APOBEC3F: variants seen among roughly 807,000 people sequenced by gnomAD.
APOBEC3F encodes the protein apolipoprotein B mRNA editing enzyme catalytic subunit 3F.
A neutral mutation model predicts 45.8 loss-of-function variants in APOBEC3F; 34 were observed. The ratio of observed to expected loss-of-function variants is 0.74; its 90% CI spans 0.57 to 0.99. The LOEUF (loss-of-function observed/expected upper bound fraction) is 0.99, where lower values mean the gene tolerates loss of function less well. Among genes scored for constraint, APOBEC3F ranks in the 50% least tolerant of loss-of-function variants. The probability of loss-of-function intolerance (pLI) is 0.00; values close to 1 mark genes in which losing one functional copy is unlikely to be tolerated. For missense variants in APOBEC3F, 459 were observed against 474.1 expected, an observed-to-expected ratio of 0.97 and a Z score of 0.30; for synonymous variants, 192 against 174.4, an observed-to-expected ratio of 1.10 and a Z score of -0.80.
intron 4 of APOBEC3F, 153 bp downstream of exon 4, chr22:39,045,695 C>T: frequency 7.2e-7 from 1 of 1,397,172 alleles, no homozygotes. Context: ...TGCTCCTTCC[C>T]CTTCTTGCCT....
Position 39,052,725 on chromosome 22 carries a change from C to A in APOBEC3F, c.*30C>A. On this transcript the variant is annotated 3_prime_UTR_variant, in exon 7 of 7. Transcript: ENST00000308521. ...TCTCCCCGGGCCTCATGGTCTGTCTCCTCTAGCCTCCTGCTCATGTTGTGC... is the reference window on the plus strand; with the variant it reads ...TCTCCCCGGGCCTCATGGTCTGTCTACTCTAGCCTCCTGCTCATGTTGTGC... The A allele has an allele frequency of 1.3e-6, 2 of 1,595,424 alleles. No homozygotes were observed. The highest frequency in any genetic ancestry group is 1.3e-5 in the African/African-American group (1 of 74,272).
rs776723659 is a variant in APOBEC3F at position 39,042,992 on chromosome 22, C to A, written c.73C>A (p.Pro25Thr). Residue 25 changes from proline (P) to threonine (T), a missense_variant, in exon 2 of 7, where the codon CCC becomes ACC. Pro to Thr is a conservative substitution (Grantham distance 38). Transcript: ENST00000308521. Reference protein sequence around the residue: ...DTFSYNFYNRPILSRRNTVWL... With the variant: ...DTFSYNFYNRTILSRRNTVWL... Reference sequence around the variant, plus strand: ...ATTCTCCTACAACTTTTATAATAGACCCATCCTTTCTCGTCGGAATACCGT... The same window carrying A: ...ATTCTCCTACAACTTTTATAATAGAACCATCCTTTCTCGTCGGAATACCGT... 5.0e-6 allele frequency: 8 copies of A among 1,614,174 alleles called. No homozygotes were observed. The East Asian group carries it at 1.6e-4, about 31-fold the overall frequency.
At chr22:39,045,634 G>T (rs1230140037) in intron 4 of APOBEC3F, 92 bp downstream of exon 4, 1 of 1,586,432 alleles carries the variant, frequency 6.3e-7, no homozygotes, top group Non-Finnish European at 8.6e-7. Flanking sequence ...CCTGCCCTCC[G>T]TCCTGCCCCC....
At chr22:39,042,815 C>T in intron 1 of APOBEC3F, 122 bp from the exon 2 acceptor site, 4 of 1,447,308 alleles carry the variant, frequency 2.8e-6, no homozygotes, top group East Asian at 2.4e-5. Flanking sequence ...CAAAAATTCT[C>T]AGGGCTGTGG....
chr22:39,051,999 C>A (rs1431349429), intron 5 of APOBEC3F, 75 bp from the exon 6 acceptor site: 2 of 1,578,292 alleles, frequency 1.3e-6, no homozygotes, highest in Non-Finnish European at 1.7e-6. Flanking sequence ...CCGCCCTCTG[C>A]TCCCATCGCC....
rs35053197 is a variant in APOBEC3F, at chr22:39,043,062, G to A, written c.143G>A (p.Arg48His). The A allele has an allele frequency of 5.0e-6, 8 of 1,614,056 alleles. No homozygotes were observed. Among genetic ancestry groups the A allele is most frequent in the South Asian group, 2.2e-5 (2 of 91,056 alleles). Residue 48 changes from arginine (R) to histidine (H), a missense_variant, in exon 2 of 7, where the codon CGT (arginine) becomes CAT (histidine). Physicochemically the swap from Arg to His is conservative, Grantham distance 29 (BLOSUM62 0). Transcript: ENST00000308521. Reference sequence around the variant, plus strand: ...AAAACAAAGGGTCCCTCAAGGCCCCGTTTGGACGCAAAGATCTTTCGAGGC... The same window carrying A: ...AAAACAAAGGGTCCCTCAAGGCCCCATTTGGACGCAAAGATCTTTCGAGGC... ...EVKTKGPSRP[R>H]LDAKIFRGQV...
chr22:39,041,242 A>T (rs1162619791), intron 1 of APOBEC3F, among the ~76,000 whole-genome samples: 1 of 151,496 alleles, frequency 6.6e-6, no homozygotes, highest in African/African-American at 2.4e-5. Flanking sequence ...AAGTCATGGC[A>T]GGGCTGGTGC....
In APOBEC3F at chr22:39,052,290, T is replaced by C. The variant is rs1021895824; in HGVS notation, c.940T>C (p.Tyr314His). ...CCTCTACTACTTCTGGGATACAGATTACCAGGAGGGGCTCCGCAGCCTGAG... is the reference window on the plus strand; with the variant it reads ...CCTCTACTACTTCTGGGATACAGATCACCAGGAGGGGCTCCGCAGCCTGAG... ...ARLYYFWDTDYQEGLRSLSQE... is the reference protein window; with the variant it reads ...ARLYYFWDTDHQEGLRSLSQE... Residue 314 changes from tyrosine to histidine, a missense_variant, in exon 6 of 7, where the codon TAC becomes CAC. Transcript: ENST00000308521. 2 of 1,614,156 alleles carry C rather than the reference T, an allele frequency of 1.2e-6. No individual in the cohort carries two copies. Among genetic ancestry groups the C allele is most frequent in the Non-Finnish European group, 8.5e-7 (1 of 1,180,002 alleles).
intron 6 of APOBEC3F, 38 bp downstream of exon 6, chr22:39,052,391 G>A (rs750138987): frequency 1.2e-5 from 19 of 1,608,566 alleles, no homozygotes; most frequent in Non-Finnish European, 3.4e-6. Flanking sequence ...GGGTGCGGGA[G>A]GGACAGCATG....
At position 39,053,026 on chromosome 22, in the gene APOBEC3F, AC is replaced by A; in HGVS notation, c.*334del. ...TTTTGAGACGGAATTTCGCTCTGTC[AC>A]CCAGACTGGAGTGCAATGGCTTGAT... On this transcript the variant is annotated 3_prime_UTR_variant, in exon 7 of 7. Coordinates refer to ENST00000308521, the MANE Select transcript of APOBEC3F (RefSeq NM_145298.6). 1.0e-5 allele frequency: 2 copies of A among 197,942 alleles called. No homozygotes were observed. The highest frequency in any genetic ancestry group is 1.9e-5 in the Non-Finnish European group (2 of 103,688). The allele number at this position is 197,942 out of a possible 1,614,324, so 12.3% of individuals were successfully genotyped here. A position where few individuals can be genotyped will look rare whatever the true frequency, so the allele number is the denominator to read the frequency against.
chr22:39,045,572 G>C lies in APOBEC3F; in HGVS notation c.566+30G>C, dbSNP rs370226764. ...GGGTCTCCCTCTGGCCTCATCGTCT[G>C]TCTCCTCTCGCCTCCTGCTCATCCT... On this transcript the variant is annotated intron_variant, in intron 4 of 6. Transcript: ENST00000308521. 245 of 1,613,618 alleles carry C rather than the reference G, an allele frequency of 1.5e-4. 1 individual carries two copies. Among genetic ancestry groups the C allele is most frequent in the Non-Finnish European group, 1.9e-4 (226 of 1,179,670 alleles).
chr22:39,042,342 G>C (rs868424147), intron 1 of APOBEC3F, among the ~76,000 whole-genome samples: 1 of 132,640 alleles, frequency 7.5e-6, no homozygotes, highest in Non-Finnish European at 1.5e-5. Context: ...ATGGAGTTTC[G>C]CTCTTGTAGC....
intron 1 of APOBEC3F, 33 bp from the exon 2 acceptor site, chr22:39,042,904 C>G (rs1926988420): frequency 1.2e-6 from 2 of 1,612,640 alleles, no homozygotes; most frequent in South Asian, 2.2e-5. Flanking sequence ...GGAGCGCTCT[C>G]TACATTGGCT....
chr22:39,052,989 T>A lies in APOBEC3F; in HGVS notation c.*294T>A. 1 of 194,054 alleles carries A rather than the reference T, an allele frequency of 5.2e-6. No individual in the cohort carries two copies. Among genetic ancestry groups the A allele is most frequent in the Non-Finnish European group, 8.7e-6 (1 of 114,528 alleles). 12.0% of individuals were successfully genotyped at this position (194,054 alleles called of 1,614,324 possible). ...CCCATCTCCCCAGCATAACCTAATA[T>A]TTTTTTTTTTTTTTTGAGACGGAAT... On this transcript the variant is annotated 3_prime_UTR_variant, in exon 7 of 7. Coordinates refer to ENST00000308521, the MANE Select transcript of APOBEC3F (RefSeq NM_145298.6).
At chr22:39,043,993 C>G in intron 2 of APOBEC3F, 1 of 1,445,842 alleles carries the variant, frequency 6.9e-7, no homozygotes, top group African/African-American at 1.5e-5. Context: ...TCATTGCACT[C>G]CAGCCTGGGC....
Position 39,055,304 on chromosome 22 carries a change from T to G in APOBEC3F, c.*2609T>G, listed in dbSNP as rs997208473. ...TCAGGCTGGTCTTGAACTCATGAGC[T>G]CAGGCGATCCACTCTCCTCAGCCTC... On this transcript the variant is annotated 3_prime_UTR_variant, in exon 7 of 7. Coordinates refer to ENST00000308521, the MANE Select transcript of APOBEC3F (RefSeq NM_145298.6). Among the ~76,000 whole-genome samples the G allele has an allele frequency of 6.6e-6, 1 of 151,932 alleles. No homozygotes were observed. Among genetic ancestry groups the G allele is most frequent in the African/African-American group, 2.4e-5 (1 of 41,326 alleles).
At chr22:39,046,753 A>C (rs1927244157) in intron 4 of APOBEC3F, among the ~76,000 whole-genome samples, 1 of 151,856 alleles carries the variant, frequency 6.6e-6, no homozygotes, top group Admixed American at 6.6e-5. Context: ...AGTACCTGGG[A>C]TTACAGGCTC....
Position 39,045,178 on chromosome 22 carries a change from C to CT in APOBEC3F, c.410dup (p.Ser138GlufsTer13). On this transcript the variant is annotated frameshift_variant, in exon 3 of 7. Transcript: ENST00000308521. LOFTEE classifies it high-confidence loss of function. The stretch of plus-strand genomic sequence containing the variant: ...AGATTACCGAAGGGCGCTCTGCAGG[C>CT]TGAGTCAGGCAGGGGCCCGCGTGAA... 1.2e-6 allele frequency: 2 copies of CT among 1,614,166 alleles called. No homozygotes were observed. The highest frequency in any genetic ancestry group is 2.2e-5 in the South Asian group (2 of 91,086).
chr22:39,041,762 T>C (rs1256191127), intron 1 of APOBEC3F, among the ~76,000 whole-genome samples: 1 of 151,844 alleles, frequency 6.6e-6, no homozygotes, highest in East Asian at 1.9e-4. Flanking sequence ...CTCCACAGGC[T>C]GAGACAGGAG....
Sources: allele counts gnomAD v4.1 joint callset (sites outside exome capture counted in the v4.1 genomes callset), GRCh38; gene constraint gnomAD v4.1.1; transcripts MANE v1.5; gene names NCBI Gene and HGNC (gene_info 2026-07-23, HGNC 2026-07-21).